NELL1: variants seen among roughly 807,000 people sequenced by gnomAD.
NELL1 encodes neural EGFL like 1.
Under a neutral mutation model 107.4 loss-of-function variants are expected in NELL1, and 76 were observed. The ratio of observed to expected loss-of-function variants is 0.71; its 90% CI spans 0.59 to 0.86. NELL1 has a LOEUF of 0.86. NELL1 is among the 40% of genes least tolerant of loss of function. NELL1 has a pLI of 0.00. For missense variants in NELL1, 1,024 were observed against 1,005.5 expected, an observed-to-expected ratio of 1.02 and a Z score of -0.25; for synonymous variants, 353 against 341.2, an observed-to-expected ratio of 1.03 and a Z score of -0.38.
intron 14 of NELL1, among the ~76,000 whole-genome samples, chr11:21,235,683 C>T (rs1357230201): frequency 2.6e-5 from 4 of 151,996 alleles, no homozygotes; most frequent in African/African-American, 7.2e-5. Flanking sequence ...TTGATGTGAA[C>T]ATGGATGACA....
intron 2 of NELL1, among the ~76,000 whole-genome samples, chr11:20,716,041 T>A (rs1855242248): frequency 6.6e-6 from 1 of 152,244 alleles, no homozygotes; most frequent in Non-Finnish European, 1.5e-5. Context: ...AAAAAAAGAT[T>A]CGATATGCAA....
chr11:21,300,405 C>A (rs2133970906), intron 14 of NELL1, among the ~76,000 whole-genome samples: 1 of 152,008 alleles, frequency 6.6e-6, no homozygotes, highest in African/African-American at 2.4e-5. Flanking sequence ...AGAAAAAGGG[C>A]TTTAGGTTTA....
intron 15 of NELL1, among the ~76,000 whole-genome samples, chr11:21,416,968 T>A (rs575370510): frequency 5.3e-5 from 8 of 152,200 alleles, no homozygotes; most frequent in African/African-American, 1.9e-4. Context: ...TTTTTTTTAG[T>A]GGATGAGAAA....
intron 10 of NELL1, among the ~76,000 whole-genome samples, chr11:20,938,577 T>A (rs1590438548): frequency 6.6e-6 from 1 of 152,104 alleles, no homozygotes; most frequent in Non-Finnish European, 1.5e-5. Flanking sequence ...GTAATTTTGT[T>A]CCAAAATTAC....
chr11:21,112,828 C>T (rs1195953946), intron 12 of NELL1, among the ~76,000 whole-genome samples: 1 of 151,976 alleles, frequency 6.6e-6, no homozygotes, highest in Admixed American at 6.6e-5. Context: ...CTTTCTCTAA[C>T]CATCACACAC....
intron 3 of NELL1, among the ~76,000 whole-genome samples, chr11:20,786,352 A>AAAAAAAAAAG (rs1035187926): frequency 1.1e-4 from 17 of 150,014 alleles, no homozygotes; most frequent in Non-Finnish European, 2.2e-4. Context: ...CCCCATCTCA[A>AAAAAAAAAAG]AAAAAAAAAG....
chr11:21,498,607 C>G (rs974092313), intron 15 of NELL1, among the ~76,000 whole-genome samples: 1 of 151,650 alleles, frequency 6.6e-6, no homozygotes, highest in African/African-American at 2.4e-5. Flanking sequence ...AATAATGTCT[C>G]AATTAATATT....
At chr11:21,283,398 G>A (rs1849041283) in intron 14 of NELL1, among the ~76,000 whole-genome samples, 1 of 152,200 alleles carries the variant, frequency 6.6e-6, no homozygotes, top group Admixed American at 6.5e-5. Context: ...GGTAGTGGAA[G>A]AGGTTGTGCT....
At chr11:21,493,657 G>A (rs910871510) in intron 15 of NELL1, among the ~76,000 whole-genome samples, 5 of 151,976 alleles carry the variant, frequency 3.3e-5, no homozygotes, top group South Asian at 2.1e-4. Context: ...ATATAGTTAC[G>A]TAGAAGAAAT....
chr11:20,993,021 GGC>G (rs1174241365), intron 12 of NELL1, among the ~76,000 whole-genome samples: 1 of 152,124 alleles, frequency 6.6e-6, no homozygotes, highest in Non-Finnish European at 1.5e-5. Context: ...CTTTGTGTTA[GGC>G]GGTTTGTGGC....
At chr11:21,076,306 C>A (rs1409383389) in intron 12 of NELL1, among the ~76,000 whole-genome samples, 1 of 152,188 alleles carries the variant, frequency 6.6e-6, no homozygotes, top group Non-Finnish European at 1.5e-5. Context: ...CTTCATTGGC[C>A]CCTCACTTTC....
In NELL1 at chr11:21,485,326, G is replaced by T. The variant is rs191570795; in HGVS notation, c.1646-49048G>T. ...CTCACCTCTCCCACTGCTGTGAGCT[G>T]TTGTGGGACCAAGATGTGAGGAAAT... On this transcript the variant is annotated intron_variant, in intron 15 of 19. Coordinates refer to ENST00000357134, the MANE Select transcript of NELL1 (RefSeq NM_006157.5). Among the ~76,000 whole-genome samples the T allele has an allele frequency of 2.7e-3, 406 of 152,186 alleles. 1 individual carries two copies. The highest frequency in any genetic ancestry group is 4.4e-3 in the Non-Finnish European group (300 of 68,004).
At chr11:20,691,061 C>G (rs2133866255) in intron 2 of NELL1, among the ~76,000 whole-genome samples, 1 of 152,026 alleles carries the variant, frequency 6.6e-6, no homozygotes, top group South Asian at 2.1e-4. Context: ...AATGGGAGTT[C>G]ACTCATGATT....
chr11:21,336,708 A>G (rs1850410611), intron 14 of NELL1, among the ~76,000 whole-genome samples: 1 of 150,408 alleles, frequency 6.6e-6, no homozygotes, highest in African/African-American at 2.5e-5. Flanking sequence ...AGAAATCAGA[A>G]TGAAATGCTT....
intron 14 of NELL1, among the ~76,000 whole-genome samples, chr11:21,327,641 C>T (rs2133679935): frequency 6.6e-6 from 1 of 152,234 alleles, no homozygotes; most frequent in South Asian, 2.1e-4. Context: ...GACTTTGGAA[C>T]TGGGTAACAG....
intron 14 of NELL1, among the ~76,000 whole-genome samples, chr11:21,323,102 G>A (rs1048375214): frequency 2.6e-5 from 4 of 152,220 alleles, no homozygotes; most frequent in Admixed American, 1.3e-4. Flanking sequence ...ACCCATATTC[G>A]TCTGTACAAA....
At chr11:21,200,205 CT>C in intron 13 of NELL1, among the ~76,000 whole-genome samples, 1 of 152,218 alleles carries the variant, frequency 6.6e-6, no homozygotes, top group South Asian at 2.1e-4. Context: ...GTTCTAGATC[CT>C]TGAGGAATCG....
At chr11:21,479,110 C>T in intron 15 of NELL1, among the ~76,000 whole-genome samples, 1 of 152,184 alleles carries the variant, frequency 6.6e-6, no homozygotes, top group Admixed American at 6.5e-5. Flanking sequence ...GTAGTGCAAC[C>T]ACTATGAAGA....
intron 2 of NELL1, among the ~76,000 whole-genome samples, chr11:20,760,798 TAA>T (rs759541280): frequency 6.6e-6 from 1 of 152,216 alleles, no homozygotes; most frequent in Non-Finnish European, 1.5e-5. Context: ...TTTTTACCAC[TAA>T]ATCTGAAGTA....
Sources: gnomAD v4.1 joint callset for allele counts (sites outside exome capture counted in the v4.1 genomes callset) on GRCh38, gnomAD v4.1.1 for gene constraint, MANE v1.5 for transcripts, NCBI Gene and HGNC (gene_info 2026-07-23, HGNC 2026-07-21) for gene names.